Variants in LARGE1 observed in about 807,000 individuals in gnomAD.
The protein encoded by LARGE1 is xylosyl- and glucuronyltransferase LARGE1.
Under a neutral mutation model 87.6 loss-of-function variants are expected in LARGE1, and 43 were observed. The observed-to-expected ratio is 0.49, with a 90% CI of 0.38 to 0.63. LARGE1 has a LOEUF of 0.63. Among genes scored for constraint, LARGE1 ranks in the 30% least tolerant of loss-of-function variants. The probability of loss-of-function intolerance (pLI) is 0.00; values close to 1 mark genes in which losing one functional copy is unlikely to be tolerated. For synonymous variants in LARGE1, 434 were observed against 394.6 expected (o/e 1.10, Z -1.18); for missense variants, 802 against 1,000.2 (o/e 0.80, Z 2.67).
chr22:33,704,630 T>A (rs781079708), intron 2 of LARGE1, among the ~76,000 whole-genome samples: 23 of 152,084 alleles, frequency 1.5e-4, no homozygotes, highest in Non-Finnish European at 2.2e-4. Context: ...CTACACATGG[T>A]CCCTACCTAC....
chr22:33,899,667 A>G (rs1347049348), intron 1 of LARGE1, among the ~76,000 whole-genome samples: 1 of 152,202 alleles, frequency 6.6e-6, no homozygotes, highest in East Asian at 1.9e-4. Context: ...TGCTTGGCAT[A>G]TAACAGAGGG....
chr22:33,237,689 C>T (rs182703867), intron 11 of LARGE1, among the ~76,000 whole-genome samples: 1 of 152,186 alleles, frequency 6.6e-6, no homozygotes, highest in South Asian at 2.1e-4. Context: ...ATTATCCATG[C>T]TAGCAGGGGA....
intron 3 of LARGE1, among the ~76,000 whole-genome samples, chr22:33,627,728 A>G (rs1347425077): frequency 6.6e-6 from 1 of 151,994 alleles, no homozygotes; most frequent in African/African-American, 2.4e-5. Flanking sequence ...ACCATCCCAC[A>G]CCCTCCAATC....
At chr22:33,607,151 T>C (rs985721271) in intron 4 of LARGE1, among the ~76,000 whole-genome samples, 1 of 152,004 alleles carries the variant, frequency 6.6e-6, no homozygotes, top group Non-Finnish European at 1.5e-5. Flanking sequence ...TTGGTGGATG[T>C]GAAATGAGAA....
chr22:33,123,272 T>C, the LARGE1 span, among the ~76,000 whole-genome samples: 1 of 152,208 alleles, frequency 6.6e-6, no homozygotes, highest in Non-Finnish European at 1.5e-5. Flanking sequence ...ACAGAATAAA[T>C]CTAATTGTAA....
chr22:33,721,910 T>C (rs954164983), intron 2 of LARGE1, among the ~76,000 whole-genome samples: 4 of 152,184 alleles, frequency 2.6e-5, no homozygotes, highest in Non-Finnish European at 5.9e-5. Context: ...TTTGGTATAT[T>C]GTTTTATAGG....
At chr22:33,595,171 T>A (rs964531233) in intron 5 of LARGE1, among the ~76,000 whole-genome samples, 3 of 152,214 alleles carry the variant, frequency 2.0e-5, no homozygotes, top group Non-Finnish European at 2.9e-5. Context: ...TTTTAATTTT[T>A]ATTTTTTGTG....
chr22:33,091,602 A>AC, the LARGE1 span, among the ~76,000 whole-genome samples: 4 of 152,162 alleles, frequency 2.6e-5, no homozygotes, highest in Admixed American at 2.0e-4. Context: ...AAATAAAGAG[A>AC]CATCTTATCC....
At chr22:33,337,477 C>T (rs1938596702) in intron 10 of LARGE1, among the ~76,000 whole-genome samples, 169 bp downstream of exon 10, 1 of 152,146 alleles carries the variant, frequency 6.6e-6, no homozygotes, top group Admixed American at 6.6e-5. Flanking sequence ...ATGCAAAGGA[C>T]CCGCTGATGT....
In LARGE1 at chr22:33,327,828, C is replaced by T. The variant is rs550687922; in HGVS notation, c.1287+9818G>A. Among the ~76,000 whole-genome samples the T allele has an allele frequency of 2.0e-5, 3 of 152,300 alleles. No individual in the cohort carries two copies. The East Asian group carries it at 5.8e-4, about 29-fold the overall frequency. Reference sequence around the variant, plus strand: ...AAAGTGCTGGGATTACAGGTATGAGCCACTATTCCCAGCTTGGGCCAAATT... The same window carrying T: ...AAAGTGCTGGGATTACAGGTATGAGTCACTATTCCCAGCTTGGGCCAAATT... On this transcript the variant is annotated intron_variant, in intron 10 of 14. Transcript: ENST00000397394.
At chr22:33,624,652 G>A (rs2149070036) in intron 4 of LARGE1, among the ~76,000 whole-genome samples, 1 of 152,308 alleles carries the variant, frequency 6.6e-6, no homozygotes, top group Non-Finnish European at 1.5e-5. Flanking sequence ...GAGACAGAAA[G>A]CACTATGGAG....
intron 3 of LARGE1, among the ~76,000 whole-genome samples, chr22:33,636,053 A>G (rs973815286): frequency 1.2e-4 from 19 of 152,200 alleles, no homozygotes; most frequent in Admixed American, 9.8e-4. Context: ...GAATGAATGA[A>G]GCATCCAGGA....
chr22:33,816,296 C>T (rs552870274), intron 1 of LARGE1, among the ~76,000 whole-genome samples: 5 of 152,258 alleles, frequency 3.3e-5, no homozygotes, highest in Admixed American at 2.0e-4. Context: ...GTTGTTAAAA[C>T]AAAATGCCAC....
At chr22:33,839,617 A>C (rs1025750258) in intron 1 of LARGE1, among the ~76,000 whole-genome samples, 1 of 152,228 alleles carries the variant, frequency 6.6e-6, no homozygotes, top group Non-Finnish European at 1.5e-5. Context: ...TATAGATCAC[A>C]AAAACAGAAC....
At chr22:33,394,707 G>A (rs1262181296) in intron 7 of LARGE1, among the ~76,000 whole-genome samples, 3 of 57,986 alleles carry the variant, frequency 5.2e-5, no homozygotes. Context: ...GGGAGCGTGT[G>A]TGTGTGTGTG....
chr22:33,717,277 A>G (rs1052646108), intron 2 of LARGE1, among the ~76,000 whole-genome samples: 1 of 152,164 alleles, frequency 6.6e-6, no homozygotes, highest in Non-Finnish European at 1.5e-5. Flanking sequence ...TATCCAACGA[A>G]ACCAGGCTCT....
chr22:33,406,507 T>G (rs2066105312), intron 7 of LARGE1, among the ~76,000 whole-genome samples: 1 of 152,016 alleles, frequency 6.6e-6, no homozygotes, highest in Non-Finnish European at 1.5e-5. Flanking sequence ...TGTTTTGACT[T>G]GAACGCACAC....
intron 5 of LARGE1, among the ~76,000 whole-genome samples, chr22:33,603,690 C>T (rs757694304): frequency 2.0e-5 from 3 of 152,128 alleles, no homozygotes; most frequent in Non-Finnish European, 4.4e-5. Flanking sequence ...TGCTCTGCTA[C>T]TTAGAGTTAA....
At chr22:33,444,993 C>A (rs189388298) in intron 6 of LARGE1, among the ~76,000 whole-genome samples, 2 of 152,222 alleles carry the variant, frequency 1.3e-5, no homozygotes, top group Admixed American at 1.3e-4. Context: ...CCATGCACGG[C>A]TCATTTTTGT....
Sources: allele counts gnomAD v4.1 joint callset (sites outside exome capture counted in the v4.1 genomes callset), GRCh38; gene constraint gnomAD v4.1.1; transcripts MANE v1.5; gene names NCBI Gene and HGNC (gene_info 2026-07-23, HGNC 2026-07-21).